Variants in SORCS2 observed in about 807,000 individuals in gnomAD.
The protein encoded by SORCS2 is VPS10 domain-containing receptor SorCS2.
In SORCS2, 100 loss-of-function variants were observed where a neutral mutation model predicts 141.6. The ratio of observed to expected loss-of-function variants is 0.71; its 90% CI spans 0.60 to 0.83. The LOEUF is 0.83. SORCS2 is among the 40% of genes least tolerant of loss of function. SORCS2 has a pLI of 0.00. For missense variants in SORCS2, 1,646 were observed against 1,560.2 expected (o/e 1.05, Z -0.93); for synonymous variants, 789 against 676.9 (o/e 1.17, Z -2.57).
At chr4:7,327,217 A>T (rs987250010) in intron 1 of SORCS2, among the ~76,000 whole-genome samples, 4 of 152,134 alleles carry the variant, frequency 2.6e-5, no homozygotes, top group Non-Finnish European at 5.9e-5. Context: ...GAGGTCTATA[A>T]TCAAGGGAGT....
chr4:7,452,232 C>T (rs1281796832), intron 2 of SORCS2, among the ~76,000 whole-genome samples: 1 of 152,158 alleles, frequency 6.6e-6, no homozygotes, highest in African/African-American at 2.4e-5. Flanking sequence ...CCTCTGCCTC[C>T]TATGTTCAGG....
chr4:7,679,809 A>G (rs1723400275), intron 9 of SORCS2, among the ~76,000 whole-genome samples: 1 of 149,014 alleles, frequency 6.7e-6, no homozygotes, highest in South Asian at 2.1e-4. Flanking sequence ...TGATATGGGC[A>G]GTTATGCAGA....
chr4:7,433,794 G>A (rs553883902), intron 2 of SORCS2: 1 of 1,613,636 alleles, frequency 6.2e-7, no homozygotes, highest in Admixed American at 1.7e-5. Flanking sequence ...ACAGACGGAT[G>A]AACTTGCACA....
intron 18 of SORCS2, 24 bp from the exon 19 acceptor site, chr4:7,723,673 T>G: frequency 6.2e-7 from 1 of 1,612,996 alleles, no homozygotes; most frequent in Non-Finnish European, 8.5e-7. Context: ...CACTCCTGAG[T>G]GGCCACATGG....
At chr4:7,439,116 C>T (rs1431178925) in intron 2 of SORCS2, among the ~76,000 whole-genome samples, 1 of 151,940 alleles carries the variant, frequency 6.6e-6, no homozygotes, top group Non-Finnish European at 1.5e-5. Context: ...GCCTTTTAGG[C>T]CCTCTGAGTG....
At chr4:7,278,656 G>A (rs1449042605) in intron 1 of SORCS2, among the ~76,000 whole-genome samples, 6 of 152,174 alleles carry the variant, frequency 3.9e-5, no homozygotes, top group Non-Finnish European at 8.8e-5. Context: ...CGCCCCTAAT[G>A]TGTGGGCCCA....
chr4:7,573,673 G>A (rs568756769), intron 3 of SORCS2, among the ~76,000 whole-genome samples: 30 of 152,168 alleles, frequency 2.0e-4, no homozygotes, highest in Non-Finnish European at 2.1e-4. Flanking sequence ...ATGCACCACC[G>A]CACTCTGCTT....
intron 17 of SORCS2, among the ~76,000 whole-genome samples, chr4:7,716,506 A>T (rs1726198758): frequency 1.3e-5 from 2 of 152,040 alleles, no homozygotes; most frequent in Admixed American, 1.3e-4. Flanking sequence ...TTACCCATCC[A>T]TCCATTCATC....
chr4:7,733,658 C>G (rs1002399376), intron 24 of SORCS2, among the ~76,000 whole-genome samples: 2 of 152,236 alleles, frequency 1.3e-5, no homozygotes, highest in African/African-American at 2.4e-5. Flanking sequence ...CGGATAATCT[C>G]TGCCCCTTCC....
Position 7,676,146 on chromosome 4 carries a change from C to A in SORCS2, c.1258C>A (p.Arg420=). The change falls in exon 9 of 27, where the codon CGG becomes AGG. Residue 420 remains arginine, a synonymous_variant. Transcript: ENST00000507866. ...DTYNLYQSDP[R]GVRYALVLQD... ...CTACAACCTGTACCAGTCGGACCCA[C>A]GGGGCGTGCGCTACGCGCTGGTGCT... 1 of 1,568,052 alleles carries A rather than the reference C, an allele frequency of 6.4e-7. No individual in the cohort carries two copies. Among genetic ancestry groups the A allele is most frequent in the South Asian group, 1.2e-5 (1 of 85,278 alleles).
At chr4:7,554,905 T>C (rs750008536) in intron 3 of SORCS2, among the ~76,000 whole-genome samples, 1 of 152,126 alleles carries the variant, frequency 6.6e-6, no homozygotes, top group Non-Finnish European at 1.5e-5. Flanking sequence ...GGCAGAGTTC[T>C]CAGGAGAGCT....
intron 1 of SORCS2, among the ~76,000 whole-genome samples, chr4:7,298,124 G>A (rs1717200841): frequency 6.6e-6 from 1 of 152,224 alleles, no homozygotes; most frequent in Admixed American, 6.5e-5. Context: ...AGGCGACGGG[G>A]CTGGGGACAG....
chr4:7,472,918 TA>T (rs71175405), intron 2 of SORCS2, among the ~76,000 whole-genome samples: 15 of 147,074 alleles, frequency 1.0e-4, no homozygotes, highest in African/African-American at 1.5e-4. Flanking sequence ...GTGTTCATCA[TA>T]AAAAAAAAAA....
At chr4:7,454,759 A>G (rs1390955842) in intron 2 of SORCS2, among the ~76,000 whole-genome samples, 4 of 73,278 alleles carry the variant, frequency 5.5e-5, no homozygotes, top group Middle Eastern at 0.017. Flanking sequence ...GGGGTCAGGC[A>G]CTGTGTTGGG....
chr4:7,570,775 G>A (rs565289996), intron 3 of SORCS2, among the ~76,000 whole-genome samples: 3 of 152,334 alleles, frequency 2.0e-5, no homozygotes, highest in Admixed American at 6.5e-5. Flanking sequence ...CATCCAGAGG[G>A]GAGGGTTTTA....
At chr4:7,602,696 C>A (rs936516073) in intron 3 of SORCS2, among the ~76,000 whole-genome samples, 2 of 151,296 alleles carry the variant, frequency 1.3e-5, no homozygotes, top group Non-Finnish European at 2.9e-5. Flanking sequence ...GGCAGAGGGG[C>A]TCCTCACATC....
chr4:7,561,509 TATCC>T (rs1714556385), intron 3 of SORCS2, among the ~76,000 whole-genome samples: 1 of 151,590 alleles, frequency 6.6e-6, no homozygotes, highest in Non-Finnish European at 1.5e-5. Flanking sequence ...TTCATCCATC[TATCC>T]ATCCATCTAC....
chr4:7,388,425 G>C (rs554376962), intron 1 of SORCS2, among the ~76,000 whole-genome samples: 1 of 152,270 alleles, frequency 6.6e-6, no homozygotes, highest in African/African-American at 2.4e-5. Context: ...TTTGAAAGGA[G>C]GAGTCTTCTT....
chr4:7,546,653 T>C (rs1163848605), intron 3 of SORCS2, among the ~76,000 whole-genome samples: 1 of 152,182 alleles, frequency 6.6e-6, no homozygotes, highest in Non-Finnish European at 1.5e-5. Flanking sequence ...CAGCCGGTGA[T>C]GGTGGGCCCC....
Sources: allele counts gnomAD v4.1 joint callset (sites outside exome capture counted in the v4.1 genomes callset), GRCh38; gene constraint gnomAD v4.1.1; transcripts MANE v1.5; gene names NCBI Gene and HGNC (gene_info 2026-07-23, HGNC 2026-07-21).